The following GLG1 variants were observed in gnomAD, a reference collection of about 807,000 sequenced individuals.
GLG1 encodes Golgi apparatus protein 1.
Under a neutral mutation model 160.5 loss-of-function variants are expected in GLG1, and 38 were observed. The observed-to-expected ratio is 0.24, with a 90% confidence interval of 0.18 to 0.31. GLG1 has a LOEUF of 0.31. GLG1 is among the 10% of genes least tolerant of loss of function. The probability of loss-of-function intolerance (pLI) is 1.00; values close to 1 mark genes in which losing one functional copy is unlikely to be tolerated. For synonymous variants in GLG1, 644 were observed against 543.4 expected (o/e 1.19, Z -2.57); for missense variants, 1,373 against 1,505.2 (o/e 0.91, Z 1.45).
intron 17 of GLG1, chr16:74,468,224 G>GTTTTTTTTTT (rs1395188789): frequency 9.8e-6 from 1 of 101,634 alleles, no homozygotes; most frequent in African/African-American, 4.3e-5. Flanking sequence ...AGCTTGAAAT[G>GTTTTTTTTTT]TCTTTTTTTT....
chr16:74,527,885 CTTTT>C (rs5817914), intron 2 of GLG1, among the ~76,000 whole-genome samples: 2 of 104,994 alleles, frequency 1.9e-5, no homozygotes. Context: ...GTGGTTAATT[CTTTT>C]TTTTTTTTTT....
chr16:74,478,894 CAA>C (rs370595276), intron 11 of GLG1, among the ~76,000 whole-genome samples: 39 of 80,210 alleles, frequency 4.9e-4, no homozygotes, highest in African/African-American at 1.0e-3. Context: ...AACTCCGTCT[CAA>C]AAAAAAAAAA....
chr16:74,546,609 A>C (rs1241029159), intron 1 of GLG1, among the ~76,000 whole-genome samples: 3 of 151,598 alleles, frequency 2.0e-5, no homozygotes, highest in African/African-American at 7.3e-5. Flanking sequence ...GGCCAAGGCA[A>C]GGCGGATCAC....
intron 24 of GLG1, 37 bp from the exon 25 acceptor site, chr16:74,456,792 C>G: frequency 8.1e-7 from 1 of 1,240,272 alleles, no homozygotes; most frequent in Non-Finnish European, 1.2e-6. Flanking sequence ...GAACCTGAAA[C>G]TGTACAGAAT....
Position 74,470,958 on chromosome 16 carries a change from T to C in GLG1, c.2229+215A>G, listed in dbSNP as rs186397021. Among the ~76,000 whole-genome samples, 97 of 151,786 alleles carry C rather than the reference T, an allele frequency of 6.4e-4. No individual in the cohort carries two copies. In the Middle Eastern group the frequency reaches 0.024, roughly 37 times the overall value. ...TTTCAGTAGAGACGGAGTTTCACCA[T>C]GTTGCTCAGGTTGGTCTTGAACTCC... On this transcript the variant is annotated intron_variant, in intron 15 of 25. Coordinates refer to ENST00000422840, the MANE Select transcript of GLG1 (RefSeq NM_001145667.2).
chr16:74,470,446 ATTTT>A (rs538522906), intron 15 of GLG1, among the ~76,000 whole-genome samples: 1 of 93,718 alleles, frequency 1.1e-5, no homozygotes, highest in Non-Finnish European at 2.1e-5. Context: ...TATATTTGTA[ATTTT>A]TTTTTTTTTT....
intron 1 of GLG1, among the ~76,000 whole-genome samples, chr16:74,602,270 A>G (rs1958454953): frequency 6.6e-6 from 1 of 152,214 alleles, no homozygotes; most frequent in Non-Finnish European, 1.5e-5. Context: ...TGAGACTGAT[A>G]TATCAAGAAA....
At chr16:74,494,098 C>G (rs1051725909) in intron 6 of GLG1, among the ~76,000 whole-genome samples, 2 of 151,802 alleles carry the variant, frequency 1.3e-5, no homozygotes, top group African/African-American at 4.8e-5. Context: ...TTGCTTGAAC[C>G]CGGCAGGCAG....
At chr16:74,568,654 G>A (rs1048604159) in intron 1 of GLG1, among the ~76,000 whole-genome samples, 2 of 152,088 alleles carry the variant, frequency 1.3e-5, no homozygotes, top group East Asian at 1.9e-4. Flanking sequence ...CTGATATCAG[G>A]TGATCCGCCC....
intron 4 of GLG1, among the ~76,000 whole-genome samples, chr16:74,497,112 GTACTAAAAA>G (rs763885711): frequency 1.3e-4 from 19 of 151,698 alleles, no homozygotes; most frequent in Non-Finnish European, 2.4e-4. Context: ...AGGCCCATCT[GTACTAAAAA>G]TACTAAAAAT....
chr16:74,453,407 C>T, intron 25 of GLG1, 73 bp from the exon 26 acceptor site: 3 of 869,024 alleles, frequency 3.5e-6, no homozygotes, highest in Non-Finnish European at 5.5e-6. Context: ...CTAACTTATC[C>T]CTCTCAGTTC....
chr16:74,592,710 A>T (rs1311478163), intron 1 of GLG1, among the ~76,000 whole-genome samples: 1 of 152,184 alleles, frequency 6.6e-6, no homozygotes, highest in Non-Finnish European at 1.5e-5. Context: ...TCCAAAGCCC[A>T]TTCTATTTTT....
rs201693911 is a variant in GLG1 at position 74,529,809 on chromosome 16, G to GTTTTTTTTT, written c.471+2311_471+2312insAAAAAAAAA. Among the ~76,000 whole-genome samples, 29 of 104,092 alleles carry GTTTTTTTTT rather than the reference G, an allele frequency of 2.8e-4. 5 individuals are homozygous for GTTTTTTTTT. Among genetic ancestry groups the GTTTTTTTTT allele is most frequent in the East Asian group, 3.4e-4 (1 of 2,944 alleles). 68.3% of individuals were successfully genotyped at this position (104,092 alleles called of 152,430 possible). ...CTTCCTATTCCTTGGCTCTTTGAGA[G>GTTTTTTTTT]TTCTTTTTTTTTTTTTTTTTTTTTT... On this transcript the variant is annotated intron_variant, in intron 2 of 25. Coordinates refer to ENST00000422840, the MANE Select transcript of GLG1 (RefSeq NM_001145667.2).
chr16:74,560,447 C>T (rs1008543370), intron 1 of GLG1, among the ~76,000 whole-genome samples: 1 of 151,336 alleles, frequency 6.6e-6, no homozygotes, highest in Non-Finnish European at 1.5e-5. Flanking sequence ...GCCACCTCAG[C>T]CTCCCCCCGC....
chr16:74,462,424 G>C (rs1486207155), intron 21 of GLG1, 64 bp downstream of exon 21: 13 of 1,482,694 alleles, frequency 8.8e-6, no homozygotes, highest in African/African-American at 2.8e-5. Context: ...GATTTCAAAA[G>C]AGAAAATTCC....
intron 25 of GLG1, among the ~76,000 whole-genome samples, chr16:74,454,063 C>T (rs985132431): frequency 1.3e-5 from 2 of 151,712 alleles, no homozygotes; most frequent in South Asian, 2.1e-4. Context: ...TTAGTAGAGA[C>T]GGGGTTTCAC....
At chr16:74,561,859 A>T (rs1431567430) in intron 1 of GLG1, among the ~76,000 whole-genome samples, 2 of 152,254 alleles carry the variant, frequency 1.3e-5, no homozygotes, top group Non-Finnish European at 2.9e-5. Flanking sequence ...CATGGAAGAC[A>T]GAAAATGATC....
At chr16:74,562,513 G>A (rs187816271) in intron 1 of GLG1, among the ~76,000 whole-genome samples, 1 of 152,290 alleles carries the variant, frequency 6.6e-6, no homozygotes, top group Admixed American at 6.5e-5. Flanking sequence ...AGGCTGGAGA[G>A]CAGTGGTGTG....
intron 1 of GLG1, among the ~76,000 whole-genome samples, chr16:74,569,177 G>T (rs927937466): frequency 6.6e-6 from 1 of 152,188 alleles, no homozygotes; most frequent in Non-Finnish European, 1.5e-5. Context: ...CCTTTCCACA[G>T]ATCTGAGCAC....
Sources: allele counts gnomAD v4.1 joint callset (sites outside exome capture counted in the v4.1 genomes callset), GRCh38; gene constraint gnomAD v4.1.1; transcripts MANE v1.5; gene names NCBI Gene and HGNC (gene_info 2026-07-23, HGNC 2026-07-21).